Variants in AFG2A observed in about 807,000 individuals in gnomAD.
AFG2A encodes AAA ATPase AFG2A, also known as ATPase family gene 2 protein homolog A.
chr4:122,926,205 G>T, the AFG2A span, among the ~76,000 whole-genome samples: 1 of 152,196 alleles, frequency 6.6e-6, no homozygotes, highest in African/African-American at 2.4e-5. Flanking sequence ...GCTGGATAGG[G>T]TGGAAGGAGA....
the AFG2A span, among the ~76,000 whole-genome samples, chr4:123,267,032 T>C: frequency 6.6e-6 from 1 of 152,140 alleles, no homozygotes; most frequent in South Asian, 2.1e-4. Context: ...TGTTATTCAG[T>C]GTATGAAAGA....
the AFG2A span, among the ~76,000 whole-genome samples, chr4:123,152,125 T>C: frequency 0.71 from 99,199 of 139,700 alleles, 36,186 homozygotes; most frequent in East Asian, 0.97. Flanking sequence ...TGGGGCCTGT[T>C]GGGGGATGGG....
chr4:123,147,587 A>G, the AFG2A span, among the ~76,000 whole-genome samples: 1 of 152,184 alleles, frequency 6.6e-6, no homozygotes, highest in Non-Finnish European at 1.5e-5. Context: ...TATGATTAGA[A>G]CAGAATTACT....
At chr4:122,928,923 TAAAG>T in the AFG2A span, 1 of 1,292,478 alleles carries the variant, frequency 7.7e-7, no homozygotes, top group Non-Finnish European at 1.0e-6. Context: ...TCTTTTTGGG[TAAAG>T]ACTGTATTTT....
chr4:122,999,525 AT>A, the AFG2A span, among the ~76,000 whole-genome samples: 1 of 152,078 alleles, frequency 6.6e-6, no homozygotes, highest in Non-Finnish European at 1.5e-5. Context: ...CTTTCTACAT[AT>A]GGCTAGCCAG....
chr4:123,139,880 C>CT, the AFG2A span, among the ~76,000 whole-genome samples: 1 of 151,922 alleles, frequency 6.6e-6, no homozygotes, highest in Non-Finnish European at 1.5e-5. Flanking sequence ...TTAATATGAG[C>CT]TTTTTCTGTT....
At chr4:122,953,569 A>G in the AFG2A span, among the ~76,000 whole-genome samples, 31 of 152,224 alleles carry the variant, frequency 2.0e-4, no homozygotes, top group Non-Finnish European at 3.4e-4. Context: ...CCAGTCTAAC[A>G]GGGTTGACAC....
At chr4:122,959,112 G>A in the AFG2A span, among the ~76,000 whole-genome samples, 1 of 152,122 alleles carries the variant, frequency 6.6e-6, no homozygotes. Context: ...CATTGCTGCT[G>A]GTCCAAGAAC....
At chr4:123,061,345 A>T in the AFG2A span, among the ~76,000 whole-genome samples, 1 of 152,200 alleles carries the variant, frequency 6.6e-6, no homozygotes, top group Non-Finnish European at 1.5e-5. Context: ...TTATACTACT[A>T]TGAAGAAATA....
At chr4:123,184,467 A>G in the AFG2A span, among the ~76,000 whole-genome samples, 30 of 149,814 alleles carry the variant, frequency 2.0e-4, no homozygotes, top group Non-Finnish European at 3.9e-4. Context: ...GAATTGTTCT[A>G]TGATATTTCT....
chr4:123,023,679 T>C, the AFG2A span, among the ~76,000 whole-genome samples: 1 of 152,150 alleles, frequency 6.6e-6, no homozygotes, highest in Non-Finnish European at 1.5e-5. Context: ...TGGCTTCTCT[T>C]GTCCACATTG....
chr4:123,302,944 G>A, the AFG2A span, among the ~76,000 whole-genome samples: 1 of 152,030 alleles, frequency 6.6e-6, no homozygotes, highest in Non-Finnish European at 1.5e-5. Flanking sequence ...TTTTACTGTT[G>A]TATTCCCCAG....
the AFG2A span, among the ~76,000 whole-genome samples, chr4:122,991,009 T>A: frequency 8.5e-5 from 13 of 152,380 alleles, no homozygotes; most frequent in African/African-American, 3.1e-4. Flanking sequence ...CCTCAGAGTC[T>A]TTTAATATGC....
chr4:123,144,698 C>T, the AFG2A span, among the ~76,000 whole-genome samples: 1 of 152,030 alleles, frequency 6.6e-6, no homozygotes, highest in African/African-American at 2.4e-5. Context: ...GGGAAAAGTA[C>T]TTGTTTTTAT....
chr4:123,301,058 A>C, the AFG2A span, among the ~76,000 whole-genome samples: 1 of 152,194 alleles, frequency 6.6e-6, no homozygotes, highest in South Asian at 2.1e-4. Flanking sequence ...TTTGAAATAT[A>C]GTTACTATAG....
chr4:123,060,147 A>C, the AFG2A span, among the ~76,000 whole-genome samples: 1 of 152,204 alleles, frequency 6.6e-6, no homozygotes, highest in South Asian at 2.1e-4. Flanking sequence ...GGCAGGGTAC[A>C]GCCTCCCTCT....
At chr4:123,006,992 G>C in the AFG2A span, among the ~76,000 whole-genome samples, 1 of 151,140 alleles carries the variant, frequency 6.6e-6, no homozygotes, top group Admixed American at 6.6e-5. Context: ...TTGGGGGCTA[G>C]AGCGGAGTTT....
At chr4:123,103,574 T>A in the AFG2A span, among the ~76,000 whole-genome samples, 2 of 152,132 alleles carry the variant, frequency 1.3e-5, no homozygotes, top group Non-Finnish European at 2.9e-5. Flanking sequence ...TAAGTGATAC[T>A]GTTTCATTTT....
the AFG2A span, among the ~76,000 whole-genome samples, chr4:123,021,217 TA>T: frequency 3.8e-4 from 57 of 151,762 alleles, no homozygotes; most frequent in African/African-American, 1.3e-3. Context: ...AAGCTTTTTT[TA>T]AAAAAAAATT....
Sources: gnomAD v4.1 joint callset for allele counts (sites outside exome capture counted in the v4.1 genomes callset) on GRCh38, gnomAD v4.1.1 for gene constraint, MANE v1.5 for transcripts, NCBI Gene and HGNC (gene_info 2026-07-23, HGNC 2026-07-21) for gene names.